The following FAAH2 variants were observed in gnomAD, a reference collection of about 807,000 sequenced individuals.
The protein encoded by FAAH2 is fatty-acid amide hydrolase 2.
A neutral mutation model predicts 36.9 loss-of-function variants in FAAH2; 60 were observed. The ratio of observed to expected loss-of-function variants is 1.63; its 90% CI spans 1.32 to 2.02. The LOEUF is 2.02. Ranked by LOEUF, FAAH2 falls within the 30% of genes most tolerant of loss-of-function variation. The probability of loss-of-function intolerance (pLI) is 0.00; values close to 1 mark genes in which losing one functional copy is unlikely to be tolerated. For missense variants in FAAH2, 689 were observed against 397.5 expected, an observed-to-expected ratio of 1.73 and a Z score of -6.23; for synonymous variants, 214 against 143.8, an observed-to-expected ratio of 1.49 and a Z score of -3.49.
At chrX:57,457,687 T>C (rs1388006961) in intron 10 of FAAH2, among the ~76,000 whole-genome samples, 1 of 67,827 alleles carries the variant, frequency 1.5e-5, no homozygotes, top group African/African-American at 4.7e-5. Context: ...CAGAATTCCA[T>C]TTACAATAGC....
chrX:57,488,971 G>C lies in FAAH2; in HGVS notation c.*39G>C, dbSNP rs2057524404. On this transcript the variant is annotated 3_prime_UTR_variant, in exon 11 of 11. Coordinates refer to ENST00000374900, the MANE Select transcript of FAAH2 (RefSeq NM_174912.4). The stretch of plus-strand genomic sequence containing the variant: ...AAGGTTAATGTGTGTGTGTGTTTGT[G>C]TTCGTGTGGTGGTGTTTCTATTAAT... The C allele has an allele frequency of 8.7e-7, 1 of 1,150,082 alleles. No individual in the cohort carries two copies. The highest frequency in any genetic ancestry group is 1.2e-6 in the Non-Finnish European group (1 of 861,754). 94.8% of individuals were successfully genotyped at this position (1,150,082 alleles called of 1,213,427 possible). A position where few individuals can be genotyped will look rare whatever the true frequency, so the allele number is the denominator to read the frequency against.
At chrX:57,333,496 T>C (rs1469335826) in intron 4 of FAAH2, among the ~76,000 whole-genome samples, 1 of 111,506 alleles carries the variant, frequency 9.0e-6, no homozygotes, top group African/African-American at 3.3e-5. Flanking sequence ...TTGTGATTAA[T>C]ATAGTAAGGG....
intron 10 of FAAH2, among the ~76,000 whole-genome samples, chrX:57,453,006 G>C (rs938633963): frequency 1.8e-5 from 2 of 111,890 alleles, no homozygotes; most frequent in Non-Finnish European, 3.8e-5. Flanking sequence ...CACAGCATCT[G>C]TTGTGGGCAA....
chrX:57,456,343 G>T (rs919454040), intron 10 of FAAH2, among the ~76,000 whole-genome samples: 8 of 111,535 alleles, frequency 7.2e-5, no homozygotes, highest in African/African-American at 2.6e-4. Flanking sequence ...TCATCAAGAG[G>T]TTAGAAAGAT....
chrX:57,380,919 C>T lies in FAAH2; in HGVS notation c.886C>T (p.Leu296=), dbSNP rs988733103. The part of the protein sequence containing the change: ...MAGPGIKRLK[L]DTKVHLKDLK... ...CTTTTTAATCCTACACAGGTTAAAACTAGACACAAAGGTACATTTAAAAGA... is the reference window on the plus strand; with the variant it reads ...CTTTTTAATCCTACACAGGTTAAAATTAGACACAAAGGTACATTTAAAAGA... Residue 296 remains leucine (L), a synonymous_variant, in exon 7 of 11, where the codon CTA becomes TTA. Coordinates refer to ENST00000374900, the MANE Select transcript of FAAH2 (RefSeq NM_174912.4). 1.5e-5 allele frequency: 18 copies of T among 1,167,682 alleles called. No homozygotes were observed. The highest frequency in any genetic ancestry group is 2.1e-5 in the Non-Finnish European group (18 of 866,354).
rs184167452 is a variant in FAAH2 at position 57,487,385 on chromosome X, C to A, written c.1424-1372C>A. ...AGAATATTTGCAAATTATATAACGCCTGGGGATTTATATTCCAAACATATG... is the reference window on the plus strand; with the variant it reads ...AGAATATTTGCAAATTATATAACGCATGGGGATTTATATTCCAAACATATG... On this transcript the variant is annotated intron_variant, in intron 10 of 10. Transcript: ENST00000374900. Among the ~76,000 whole-genome samples, 6 of 110,969 alleles carry A rather than the reference C, an allele frequency of 5.4e-5. No homozygotes were observed. In the Admixed American group the frequency reaches 5.8e-4, roughly 11 times the overall value.
At chrX:57,414,480 GT>G (rs968056222) in intron 7 of FAAH2, among the ~76,000 whole-genome samples, 2 of 111,797 alleles carry the variant, frequency 1.8e-5, no homozygotes, top group Non-Finnish European at 3.8e-5. Context: ...TAATCATGTG[GT>G]TTTTGTCATT....
chrX:57,292,735 G>T (rs2052021887), intron 2 of FAAH2, among the ~76,000 whole-genome samples, 155 bp downstream of exon 2: 1 of 111,218 alleles, frequency 9.0e-6, no homozygotes, highest in African/African-American at 3.3e-5. Flanking sequence ...TCAGTATTTT[G>T]TCCTTTGTTG....
chrX:57,230,364 T>G, the FAAH2 span, among the ~76,000 whole-genome samples: 5 of 112,164 alleles, frequency 4.5e-5, no homozygotes, highest in Non-Finnish European at 5.6e-5. Flanking sequence ...AGAGGTAGAA[T>G]AGTAGTTTAA....
At position 57,429,813 on chromosome X, in the gene FAAH2, G is replaced by A. The variant is rs138486983; in HGVS notation, c.997-2105G>A. On this transcript the variant is annotated intron_variant, in intron 7 of 10. Transcript: ENST00000374900. The stretch of plus-strand genomic sequence containing the variant: ...CAATGGATTATCGGATAAAGAAAAT[G>A]TGGTGTATATATACAATGGATTGTA... Among the ~76,000 whole-genome samples, 347 of 111,460 alleles carry A rather than the reference G, an allele frequency of 3.1e-3. 3 individuals are homozygous for A. The highest frequency in any genetic ancestry group is 0.011 in the African/African-American group (328 of 30,708).
At chrX:57,268,173 G>C in the FAAH2 span, among the ~76,000 whole-genome samples, 18 of 111,925 alleles carry the variant, frequency 1.6e-4, no homozygotes, top group Non-Finnish European at 3.2e-4. Flanking sequence ...TGATAGAGCT[G>C]AAAAACACAC....
the FAAH2 span, among the ~76,000 whole-genome samples, chrX:57,152,348 T>C: frequency 8.9e-6 from 1 of 112,634 alleles, no homozygotes; most frequent in Admixed American, 9.3e-5. Flanking sequence ...TTTTTCTTTG[T>C]CTGTGCCCTG....
the FAAH2 span, among the ~76,000 whole-genome samples, chrX:57,193,389 C>T: frequency 8.9e-6 from 1 of 111,908 alleles, no homozygotes; most frequent in Middle Eastern, 4.6e-3. Flanking sequence ...GTGCCTGAAA[C>T]TTCATTAGCA....
chrX:57,421,255 C>T (rs1164339479), intron 7 of FAAH2, among the ~76,000 whole-genome samples: 1 of 111,563 alleles, frequency 9.0e-6, no homozygotes, highest in Non-Finnish European at 1.9e-5. Context: ...ACCAGCCTAA[C>T]CAACATGGTG....
At chrX:57,206,557 T>C in the FAAH2 span, among the ~76,000 whole-genome samples, 1 of 112,647 alleles carries the variant, frequency 8.9e-6, no homozygotes, top group Non-Finnish European at 1.9e-5. Flanking sequence ...GCTTGCCCTA[T>C]ATAAGTCTGG....
chrX:57,358,019 C>T (rs912863124), intron 5 of FAAH2, among the ~76,000 whole-genome samples: 1 of 110,914 alleles, frequency 9.0e-6, no homozygotes, highest in African/African-American at 3.3e-5. Context: ...AAAAAGGATA[C>T]GTTTATGTCT....
chrX:57,460,230 C>A (rs1237699933), intron 10 of FAAH2, among the ~76,000 whole-genome samples: 1 of 111,632 alleles, frequency 9.0e-6, no homozygotes, highest in African/African-American at 3.3e-5. Context: ...TTGGACAACA[C>A]ACTTCAGGAT....
chrX:57,444,865 A>G (rs1379177203), intron 8 of FAAH2, among the ~76,000 whole-genome samples: 1 of 111,876 alleles, frequency 8.9e-6, no homozygotes, highest in Non-Finnish European at 1.9e-5. Context: ...AATGTCTCTG[A>G]CGGAATTTGG....
At chrX:57,241,784 A>G in the FAAH2 span, among the ~76,000 whole-genome samples, 1 of 111,645 alleles carries the variant, frequency 9.0e-6, no homozygotes, top group East Asian at 2.8e-4. Flanking sequence ...ATAAGTAAGA[A>G]CATACATCAT....
Sources: allele counts gnomAD v4.1 joint callset (sites outside exome capture counted in the v4.1 genomes callset), GRCh38; gene constraint gnomAD v4.1.1; transcripts MANE v1.5; gene names NCBI Gene and HGNC (gene_info 2026-07-23, HGNC 2026-07-21).